SLC7A10: variants seen among roughly 807,000 people sequenced by gnomAD.
SLC7A10 encodes asc-type amino acid transporter 1.
Under a neutral mutation model 52.7 loss-of-function variants are expected in SLC7A10, and 30 were observed. The observed-to-expected ratio is 0.57, with a 90% CI of 0.43 to 0.77. The LOEUF (loss-of-function observed/expected upper bound fraction) is 0.77, where lower values mean the gene tolerates loss of function less well. Among genes scored for constraint, SLC7A10 ranks in the 30% least tolerant of loss-of-function variants. The pLI is 0.00. For missense variants in SLC7A10, 581 were observed against 698.5 expected, an observed-to-expected ratio of 0.83 and a Z score of 1.90; for synonymous variants, 318 against 314.9, an observed-to-expected ratio of 1.01 and a Z score of -0.10.
chr19:33,221,944 C>T (rs1330961066), intron 1 of SLC7A10, among the ~76,000 whole-genome samples: 9 of 152,128 alleles, frequency 5.9e-5, no homozygotes, highest in South Asian at 2.1e-4. Context: ...GTCCAGCCGC[C>T]GATGGGGAGG....
intron 1 of SLC7A10, among the ~76,000 whole-genome samples, chr19:33,216,322 C>T (rs35557280): frequency 0.18 from 27,339 of 152,178 alleles, 3,271 homozygotes; most frequent in Non-Finnish European, 0.26. Flanking sequence ...ACCTGAGCGA[C>T]GGCAGACGGT....
chr19:33,211,138 G>A (rs1193751254), intron 7 of SLC7A10, 87 bp downstream of exon 7: 2 of 1,311,492 alleles, frequency 1.5e-6, no homozygotes, highest in Non-Finnish European at 2.2e-6. Context: ...CCCGGCAGGT[G>A]TCCCTTCCTC....
chr19:33,215,631 C>G lies in SLC7A10; in HGVS notation c.356+138G>C, dbSNP rs76745277. ...AGCCCCCACACCTTCTCTCCATCCA[C>G]CCCCCACACCTTCTCTCCATCCACC... On this transcript the variant is annotated intron_variant, in intron 2 of 10. Coordinates refer to ENST00000253188, the MANE Select transcript of SLC7A10 (RefSeq NM_019849.3). 0.16 allele frequency: 71,820 copies of G among 442,480 alleles called. 9,204 individuals carry two copies. The highest frequency in any genetic ancestry group is 0.3 in the South Asian group (6,404 of 21,472). 27.4% of individuals were successfully genotyped at this position (442,480 alleles called of 1,614,324 possible).
At chr19:33,217,602 T>C (rs1386840553) in intron 1 of SLC7A10, among the ~76,000 whole-genome samples, 1 of 152,192 alleles carries the variant, frequency 6.6e-6, no homozygotes, top group Non-Finnish European at 1.5e-5. Context: ...TCGTTCTCTA[T>C]GCAATGGCCA....
At chr19:33,211,865 T>G in intron 5 of SLC7A10, 1 of 480,024 alleles carries the variant, frequency 2.1e-6, no homozygotes, top group Non-Finnish European at 3.8e-6. Context: ...CAGAGCCCAG[T>G]CCACAGACCC....
rs1974466013 is a variant in SLC7A10 at position 33,208,822 on chromosome 19, T to C, written c.*69A>G. The C allele has an allele frequency of 6.2e-7, 1 of 1,606,096 alleles. No homozygotes were observed. The highest frequency in any genetic ancestry group is 1.7e-5 in the Admixed American group (1 of 59,226). On this transcript the variant is annotated 3_prime_UTR_variant, in exon 11 of 11. Transcript: ENST00000253188. The surrounding 1 kb of genome is among the most constrained non-coding windows in gnomAD (Gnocchi z 4.7). ...TCCAGAAAAAAACAAAACAAAACTTTTTTGCCAAAACACCTCCTCAATAAA... is the reference window on the plus strand; with the variant it reads ...TCCAGAAAAAAACAAAACAAAACTTCTTTGCCAAAACACCTCCTCAATAAA...
Position 33,208,968 on chromosome 19 carries a change from C to A in SLC7A10, c.1495G>T (p.Ala499Ser), listed in dbSNP as rs745586308. The A allele has an allele frequency of 3.7e-6, 6 of 1,613,828 alleles. No homozygotes were observed. The East Asian group carries it at 1.3e-4, about 36-fold the overall frequency. The change falls in exon 11 of 11, where the codon GCC (alanine) becomes TCC (serine). Residue 499 changes from alanine (A) to serine (S), a missense_variant. Transcript: ENST00000253188. This position sits in a 1 kb window ranked among gnomAD's most constrained non-coding sequence, Gnocchi z 4.7. ...GGGCCATTCTCCTCCTCTTCGGGGG[C>A]GTCCTGGGGGTAGACCACGAAACAC... Reference protein sequence around the residue: ...ELCFVVYPQDAPEEEENGPCP... With the variant: ...ELCFVVYPQDSPEEEENGPCP...
chr19:33,210,392 C>T lies in SLC7A10; in HGVS notation c.1263+75G>A. 6.6e-7 allele frequency: 1 copy of T among 1,522,564 alleles called. No individual in the cohort carries two copies. The highest frequency in any genetic ancestry group is 8.8e-7 in the Non-Finnish European group (1 of 1,135,860). 94.3% of individuals were successfully genotyped at this position (1,522,564 alleles called of 1,614,324 possible). A position where few individuals can be genotyped will look rare whatever the true frequency, so the allele number is the denominator to read the frequency against. ...AAGCTGGCACCTCCCATCCCACCTG[C>T]CCCTGGTGCCCACTGTGGATGCAGG... On this transcript the variant is annotated intron_variant, in intron 9 of 10. Transcript: ENST00000253188. This position sits in a 1 kb window ranked among gnomAD's most constrained non-coding sequence, Gnocchi z 5.6.
chr19:33,216,426 A>C (rs1974685782), intron 1 of SLC7A10, among the ~76,000 whole-genome samples: 1 of 152,154 alleles, frequency 6.6e-6, no homozygotes, highest in African/African-American at 2.4e-5. Context: ...TCCTGCCTCC[A>C]TCCAGCCCAC....
intron 1 of SLC7A10, among the ~76,000 whole-genome samples, chr19:33,219,437 T>A (rs1019701663): frequency 5.9e-5 from 9 of 152,142 alleles, no homozygotes; most frequent in African/African-American, 1.9e-4. Context: ...GTGAGCCACC[T>A]CCTGTGGTGT....
chr19:33,213,001 A>G lies in SLC7A10; in HGVS notation c.358T>C (p.Phe120Leu). The change falls in exon 3 of 11, where the codon TTT becomes CTT. Residue 120 changes from phenylalanine (F) to leucine (L), a missense_variant and splice_region_variant. Physicochemically the swap from Phe to Leu is conservative, Grantham distance 22. Coordinates refer to ENST00000253188, the MANE Select transcript of SLC7A10 (RefSeq NM_019849.3). ...AGGACGGCGCTCCAGAGCAGCAGAA[A>G]GCTGGAAGGAGCAGGGGCGGGAGTG... The part of the protein sequence containing the change: ...VTEIFGGLAG[F>L]LLLWSAVLIM... The G allele has an allele frequency of 1.2e-6, 2 of 1,601,064 alleles. No individual in the cohort carries two copies. The highest frequency in any genetic ancestry group is 1.7e-6 in the Non-Finnish European group (2 of 1,173,864).
intron 1 of SLC7A10, among the ~76,000 whole-genome samples, chr19:33,219,689 G>T (rs1974773106): frequency 6.6e-6 from 1 of 152,228 alleles, no homozygotes; most frequent in Admixed American, 6.5e-5. Flanking sequence ...TCTGTGCTGG[G>T]CCAAGGAAAC....
In SLC7A10 at chr19:33,212,389, C is replaced by T. The variant is rs367820932; in HGVS notation, c.691G>A (p.Val231Met). The change falls in exon 5 of 11, where the codon GTG (valine) becomes ATG (methionine). Residue 231 changes from valine to methionine, a missense_variant. Coordinates refer to ENST00000253188, the MANE Select transcript of SLC7A10 (RefSeq NM_019849.3). ...AGGAAGGCCAGGGCCAGGTGTCCCA[C>T]GGAGGGCGTCATCCAGAAAGCAAAG... is the stretch of plus-strand genomic sequence containing the variant. ...NAFAFWMTPS[V>M]GHLALAFLQG... 4.3e-5 allele frequency: 69 copies of T among 1,613,850 alleles called. No individual in the cohort carries two copies. The highest frequency in any genetic ancestry group is 4.0e-4 in the African/African-American group (30 of 75,078).
intron 6 of SLC7A10, 30 bp downstream of exon 6, chr19:33,211,384 G>A (rs1293603433): frequency 1.2e-6 from 2 of 1,613,706 alleles, no homozygotes; most frequent in East Asian, 2.2e-5. Flanking sequence ...GCCTGGGCAG[G>A]AGCCAGGGAC....
chr19:33,216,715 C>T (rs565410333), intron 1 of SLC7A10, among the ~76,000 whole-genome samples: 1 of 152,224 alleles, frequency 6.6e-6, no homozygotes, highest in Admixed American at 6.5e-5. Context: ...GTTAGAATTA[C>T]AGGCATGAGC....
chr19:33,225,793 C>T lies in SLC7A10; in HGVS notation c.-90G>A. The T allele has an allele frequency of 7.4e-7, 1 of 1,348,630 alleles. No homozygotes were observed. The highest frequency in any genetic ancestry group is 3.3e-5 in the East Asian group (1 of 30,608). 83.5% of individuals were successfully genotyped at this position (1,348,630 alleles called of 1,614,324 possible). ...TCCGTCGGTCCGTGAGCTCACGGCCCTCGCAGCCGGGACAGCGCCCACAGG... is the reference window on the plus strand; with the variant it reads ...TCCGTCGGTCCGTGAGCTCACGGCCTTCGCAGCCGGGACAGCGCCCACAGG... On this transcript the variant is annotated 5_prime_UTR_variant, in exon 1 of 11. Transcript: ENST00000253188.
chr19:33,211,904 G>T, intron 5 of SLC7A10: 1 of 470,382 alleles, frequency 2.1e-6, no homozygotes, highest in South Asian at 2.2e-5. Context: ...TCCAGTCCCA[G>T]CTCGCTCAGC....
chr19:33,210,470 G>T lies in SLC7A10; in HGVS notation c.1260C>A (p.Ile420=). 6.3e-7 allele frequency: 1 copy of T among 1,591,920 alleles called. No homozygotes were observed. The highest frequency in any genetic ancestry group is 1.7e-4 in the Middle Eastern group (1 of 6,044). The change falls in exon 9 of 11, where the codon ATC becomes ATA. Residue 420 remains isoleucine (I), a synonymous_variant. Transcript: ENST00000253188. This position sits in a 1 kb window ranked among gnomAD's most constrained non-coding sequence, Gnocchi z 5.6. ...GCCAGCTGTCCCAGGGCCTCACCTT[G>T]ATGGGCCTGTGGAGTGCAGGCCGCC... ...RWRRPALHRP[I]KVNLLIPVAY...
chr19:33,224,475 A>G (rs1344565744), intron 1 of SLC7A10, among the ~76,000 whole-genome samples: 1 of 152,036 alleles, frequency 6.6e-6, no homozygotes, highest in Non-Finnish European at 1.5e-5. Context: ...GGGGTGGGAG[A>G]GGACGAGGTG....
Sources: gnomAD v4.1 joint callset for allele counts (sites outside exome capture counted in the v4.1 genomes callset) on GRCh38, gnomAD v4.1.1 for gene constraint, Gnocchi (gnomAD v3.1) non-coding constraint, MANE v1.5 for transcripts, NCBI Gene and HGNC (gene_info 2026-07-23, HGNC 2026-07-21) for gene names.